Variants in ME2 observed in about 807,000 individuals in gnomAD.
The protein encoded by ME2 is malic enzyme 2.
Under a neutral mutation model 73.7 loss-of-function variants are expected in ME2, and 60 were observed. That is an observed-to-expected ratio of 0.81 (90% CI 0.66 to 1.01). The LOEUF is 1.01. Among genes scored for constraint, ME2 ranks in the 50% least tolerant of loss-of-function variants. The pLI, the probability that ME2 is intolerant of heterozygous loss-of-function variation, is 0.00. For missense variants in ME2, 594 were observed against 705.5 expected, an observed-to-expected ratio of 0.84 and a Z score of 1.79; for synonymous variants, 199 against 236.9, an observed-to-expected ratio of 0.84 and a Z score of 1.47.
chr18:50,947,099 C>T lies in ME2; in HGVS notation c.1670C>T (p.Thr557Ile), dbSNP rs1918101850. 3 of 1,614,012 alleles carry T rather than the reference C, an allele frequency of 1.9e-6. No homozygotes were observed. The highest frequency in any genetic ancestry group is 1.7e-6 in the Non-Finnish European group (2 of 1,179,926). Residue 557 changes from threonine to isoleucine, a missense_variant, in exon 16 of 16, where the codon ACA becomes ATA. By Grantham distance (89) the Thr-to-Ile change is moderately conservative. Transcript: ENST00000321341. ...EDKAKYVKERTWRSEYDSLLP... is the reference protein window; with the variant it reads ...EDKAKYVKERIWRSEYDSLLP... ...AAGGCCAAATATGTTAAAGAAAGAACATGGCGGAGTGAATATGATTCCCTG... is the reference window on the plus strand; with the variant it reads ...AAGGCCAAATATGTTAAAGAAAGAATATGGCGGAGTGAATATGATTCCCTG...
In ME2 at chr18:50,913,860, TACAC is replaced by T. The variant is rs1555677139; in HGVS notation, c.392+938_392+941del. On this transcript the variant is annotated intron_variant, in intron 4 of 15. Coordinates refer to ENST00000321341, the MANE Select transcript of ME2 (RefSeq NM_002396.5). ...CTTTGGAAAATTATCAGCAATATTA[TACAC>T]ACACACACACACACACACACACACA... is the stretch of plus-strand genomic sequence containing the variant. 8.7e-4 allele frequency among the ~76,000 whole-genome samples: 125 copies of T among 143,272 alleles called. 1 individual carries two copies. The highest frequency in any genetic ancestry group is 6.0e-3 in the South Asian group (26 of 4,324). 94.0% of individuals were successfully genotyped at this position (143,272 alleles called of 152,430 possible). A position where few individuals can be genotyped will look rare whatever the true frequency, so the allele number is the denominator to read the frequency against.
intron 1 of ME2, among the ~76,000 whole-genome samples, chr18:50,881,021 A>G (rs1253878631): frequency 4.0e-5 from 6 of 150,108 alleles, no homozygotes; most frequent in Non-Finnish European, 7.4e-5. Context: ...AATTTCAGAC[A>G]AACTAGACAT....
chr18:50,901,829 TAG>T (rs1916898937), intron 2 of ME2, among the ~76,000 whole-genome samples: 1 of 152,234 alleles, frequency 6.6e-6, no homozygotes, highest in Non-Finnish European at 1.5e-5. Context: ...GCTAAAGGTA[TAG>T]GAGTCCTTCT....
chr18:50,914,450 G>T (rs910751607), intron 4 of ME2, among the ~76,000 whole-genome samples: 2 of 152,182 alleles, frequency 1.3e-5, no homozygotes, highest in Admixed American at 6.5e-5. Flanking sequence ...ACCCAGAGTT[G>T]AGAACTGACT....
chr18:50,936,783 T>G (rs1225115437), intron 13 of ME2, among the ~76,000 whole-genome samples: 1 of 152,042 alleles, frequency 6.6e-6, no homozygotes, highest in Non-Finnish European at 1.5e-5. Context: ...AAAATTTAAC[T>G]AGCCAGGTGT....
chr18:50,931,842 T>A (rs1050504825), intron 12 of ME2, among the ~76,000 whole-genome samples: 2 of 149,464 alleles, frequency 1.3e-5, no homozygotes, highest in Non-Finnish European at 2.9e-5. Flanking sequence ...ACCCAGCTAA[T>A]TTTTTGTATT....
In ME2 at chr18:50,949,571, T is replaced by C. The variant is rs1174295050; in HGVS notation, c.*2387T>C. On this transcript the variant is annotated 3_prime_UTR_variant, in exon 16 of 16. Transcript: ENST00000321341. ...CTAAACATACTCTCTGTGTGAAATC[T>C]TGATTTTAGTTCAACCTAAGAAATA... The C allele has an allele frequency of 2.0e-5, 3 of 152,222 alleles. No individual in the cohort carries two copies. Among genetic ancestry groups the C allele is most frequent in the Non-Finnish European group, 4.4e-5 (3 of 68,038 alleles). 9.4% of individuals were successfully genotyped at this position (152,222 alleles called of 1,614,324 possible). A position where few individuals can be genotyped will look rare whatever the true frequency, so the allele number is the denominator to read the frequency against.
At chr18:50,923,955 A>T in intron 10 of ME2, 143 bp from the exon 11 acceptor site, 1 of 551,482 alleles carries the variant, frequency 1.8e-6, no homozygotes, top group Non-Finnish European at 3.3e-6. Flanking sequence ...TAGAGTTGGA[A>T]GGTATGGGTT....
At chr18:50,933,338 G>A (rs1025994438) in intron 13 of ME2, 5 of 152,172 alleles carry the variant, frequency 3.3e-5, no homozygotes, top group Non-Finnish European at 7.3e-5. Context: ...GCTGACAGCA[G>A]GCTCTAATTA....
chr18:50,928,379 G>A (rs917306066), intron 12 of ME2, among the ~76,000 whole-genome samples: 12 of 151,542 alleles, frequency 7.9e-5, no homozygotes, highest in Non-Finnish European at 1.5e-4. Flanking sequence ...CCGAGTAGCT[G>A]GGTGCCCGCC....
intron 10 of ME2, among the ~76,000 whole-genome samples, chr18:50,922,219 A>G (rs992316208): frequency 2.6e-5 from 4 of 152,266 alleles, no homozygotes; most frequent in Non-Finnish European, 5.9e-5. Context: ...TTAAAATGTA[A>G]TAGTAGTTAT....
chr18:50,943,152 A>G (rs1053945487), intron 15 of ME2, among the ~76,000 whole-genome samples: 40 of 151,708 alleles, frequency 2.6e-4, no homozygotes, highest in African/African-American at 8.5e-4. Flanking sequence ...AGTATTTTCT[A>G]CTTTTTAAAA....
At chr18:50,896,302 A>G (rs904919946) in intron 2 of ME2, among the ~76,000 whole-genome samples, 1 of 152,232 alleles carries the variant, frequency 6.6e-6, no homozygotes, top group Non-Finnish European at 1.5e-5. Flanking sequence ...CTTGGAAAGT[A>G]GGGTCAAAAT....
intron 13 of ME2, chr18:50,935,770 A>AG (rs34134918): frequency 0.051 from 7,585 of 149,040 alleles, 352 homozygotes; most frequent in African/African-American, 0.11. Flanking sequence ...AAAAAAAAAA[A>AG]AAGAGTGAAT....
intron 12 of ME2, among the ~76,000 whole-genome samples, chr18:50,929,008 G>A (rs547657439): frequency 1.7e-4 from 26 of 151,812 alleles, no homozygotes; most frequent in Non-Finnish European, 3.5e-4. Context: ...GTCTCTGCTT[G>A]CTTACAAAAA....
intron 2 of ME2, among the ~76,000 whole-genome samples, chr18:50,899,653 G>A (rs533613949): frequency 2.6e-5 from 4 of 152,164 alleles, no homozygotes; most frequent in East Asian, 1.9e-4. Flanking sequence ...TGGTGCCAAA[G>A]AGGATGGGGA....
chr18:50,942,755 T>G, intron 15 of ME2: 1 of 296,304 alleles, frequency 3.4e-6, no homozygotes, highest in African/African-American at 2.1e-5. Flanking sequence ...AATACTAATT[T>G]GAAAACATTC....
At chr18:50,913,005 A>G in intron 4 of ME2, 55 bp downstream of exon 4, 3 of 1,420,128 alleles carry the variant, frequency 2.1e-6, no homozygotes, top group Non-Finnish European at 2.9e-6. Flanking sequence ...GGAAAATATC[A>G]TTCCATAACA....
At chr18:50,922,105 A>G (rs1223145174) in intron 10 of ME2, among the ~76,000 whole-genome samples, 1 of 152,226 alleles carries the variant, frequency 6.6e-6, no homozygotes, top group Non-Finnish European at 1.5e-5. Flanking sequence ...CAGTTCTAAA[A>G]TCTTTTCTTG....
Sources: gnomAD v4.1 joint callset for allele counts (sites outside exome capture counted in the v4.1 genomes callset) on GRCh38, gnomAD v4.1.1 for gene constraint, MANE v1.5 for transcripts, NCBI Gene and HGNC (gene_info 2026-07-23, HGNC 2026-07-21) for gene names.